The following TANC1 variants were observed in gnomAD, a reference collection of about 807,000 sequenced individuals.
The protein encoded by TANC1 is tetratricopeptide repeat, ankyrin repeat and coiled-coil containing 1, also known as protein TANC1.
A neutral mutation model predicts 149.7 loss-of-function variants in TANC1; 77 were observed. The ratio of observed to expected loss-of-function variants is 0.51; its 90% CI spans 0.43 to 0.62. TANC1 has a LOEUF of 0.62. Among genes scored for constraint, TANC1 ranks in the 20% least tolerant of loss-of-function variants. TANC1 has a pLI of 0.00. For synonymous variants in TANC1, 854 were observed against 925.0 expected, an observed-to-expected ratio of 0.92 and a Z score of 1.39; for missense variants, 1,985 against 2,321.8, an observed-to-expected ratio of 0.85 and a Z score of 2.98.
intron 19 of TANC1, among the ~76,000 whole-genome samples, chr2:159,207,931 T>C (rs892409595): frequency 6.6e-6 from 1 of 152,116 alleles, no homozygotes; most frequent in African/African-American, 2.4e-5. Flanking sequence ...GTATGTTATT[T>C]AAATCCAATA....
rs751981377 is a variant in TANC1 at position 159,178,748 on chromosome 2, C to T, written c.2095C>T (p.Arg699Trp). The T allele has an allele frequency of 9.9e-6, 16 of 1,614,010 alleles. No homozygotes were observed. The highest frequency in any genetic ancestry group is 1.6e-4 in the Middle Eastern group (1 of 6,084). The stretch of plus-strand genomic sequence containing the variant: ...AAAAGTGAGCAGCCACCTGGTGCTG[C>T]GGAGCCTCGGCTCCTACCTGTACCT... ...IGKVSSHLVL[R>W]SLGSYLYLKL... The change falls in exon 14 of 27, where the codon CGG becomes TGG. Residue 699 changes from arginine (R) to tryptophan (W), a missense_variant. Physicochemically the swap from Arg to Trp is moderately radical, Grantham distance 101. Around this residue, in one of 3 missense-constraint regions of TANC1, gnomAD observed 508 missense variants for 714.2 expected, o/e 0.71. Coordinates refer to ENST00000263635, the MANE Select transcript of TANC1 (RefSeq NM_033394.3).
At chr2:159,111,914 G>GC (rs956788357) in intron 4 of TANC1, among the ~76,000 whole-genome samples, 7 of 152,166 alleles carry the variant, frequency 4.6e-5, no homozygotes, top group African/African-American at 1.7e-4. Context: ...AAAAATATAT[G>GC]CCCATTGTAC....
intron 19 of TANC1, among the ~76,000 whole-genome samples, chr2:159,214,894 G>T (rs1202298653): frequency 6.6e-6 from 1 of 152,212 alleles, no homozygotes; most frequent in Non-Finnish European, 1.5e-5. Context: ...TTTCTGAAAA[G>T]AAACAGGCCA....
At chr2:159,213,663 C>T (rs1013643670) in intron 19 of TANC1, among the ~76,000 whole-genome samples, 4 of 152,162 alleles carry the variant, frequency 2.6e-5, no homozygotes, top group Admixed American at 6.5e-5. Context: ...TCCACTTCGT[C>T]ATCCAGATCA....
At chr2:159,122,944 C>T (rs1251949752) in intron 4 of TANC1, among the ~76,000 whole-genome samples, 3 of 151,946 alleles carry the variant, frequency 2.0e-5, no homozygotes, top group East Asian at 1.9e-4. Context: ...CCAAGCTGGC[C>T]CTTTTAATGG....
At chr2:159,067,023 G>C (rs1413816450) in intron 3 of TANC1, among the ~76,000 whole-genome samples, 2 of 152,138 alleles carry the variant, frequency 1.3e-5, no homozygotes, top group Non-Finnish European at 2.9e-5. Context: ...AGTCTCCTTG[G>C]AGAATGACTG....
chr2:159,185,926 G>A, intron 15 of TANC1, 27 bp downstream of exon 15: 1 of 1,521,772 alleles, frequency 6.6e-7, no homozygotes, highest in South Asian at 1.1e-5. Context: ...CTTGGGGAAG[G>A]GTTTCTTTGT....
intron 3 of TANC1, among the ~76,000 whole-genome samples, chr2:159,074,281 G>C (rs987632960): frequency 6.6e-6 from 1 of 152,166 alleles, no homozygotes; most frequent in Non-Finnish European, 1.5e-5. Context: ...TTGTCAGGGA[G>C]TTGCCCATTT....
chr2:159,159,691 CGT>C lies in TANC1; in HGVS notation c.683-3566_683-3565del, dbSNP rs371748384. Among the ~76,000 whole-genome samples, 333 of 118,012 alleles carry C rather than the reference CGT, an allele frequency of 2.8e-3. 6 individuals carry two copies. Among genetic ancestry groups the C allele is most frequent in the East Asian group, 0.016 (71 of 4,580 alleles). 77.4% of individuals were successfully genotyped at this position (118,012 alleles called of 152,430 possible). ...ATACCACTAATTGTGCATACACATA[CGT>C]GTGTGTGTGTGTGTGTGTGTGTGTG... On this transcript the variant is annotated intron_variant, in intron 7 of 26. Transcript: ENST00000263635.
chr2:159,069,820 G>A (rs936535572), intron 3 of TANC1, among the ~76,000 whole-genome samples: 11 of 146,676 alleles, frequency 7.5e-5, no homozygotes, highest in Admixed American at 6.9e-4. Context: ...CCAGGCTGGA[G>A]TGCAGTGGCG....
intron 1 of TANC1, among the ~76,000 whole-genome samples, chr2:158,984,818 G>C (rs953463587): frequency 2.6e-5 from 4 of 152,142 alleles, no homozygotes; most frequent in Non-Finnish European, 5.9e-5. Context: ...AGGCTGGGAG[G>C]CATGAAAACA....
chr2:159,214,643 C>T (rs731062), intron 19 of TANC1, among the ~76,000 whole-genome samples: 5 of 152,036 alleles, frequency 3.3e-5, no homozygotes, highest in African/African-American at 9.7e-5. Context: ...GAAGTTGTTA[C>T]GCCTCTTGGA....
intron 1 of TANC1, among the ~76,000 whole-genome samples, chr2:158,976,694 A>C (rs1160573652): frequency 6.6e-6 from 1 of 152,180 alleles, no homozygotes; most frequent in Non-Finnish European, 1.5e-5. Flanking sequence ...CAGCCTGGCC[A>C]ACATGGTGAA....
At chr2:159,089,439 C>A (rs959301852) in intron 3 of TANC1, among the ~76,000 whole-genome samples, 1 of 152,170 alleles carries the variant, frequency 6.6e-6, no homozygotes, top group Admixed American at 6.5e-5. Flanking sequence ...GCTCCTTGAG[C>A]GGCTGTTCCC....
chr2:159,164,241 A>G (rs759202429), intron 8 of TANC1, among the ~76,000 whole-genome samples: 1 of 152,340 alleles, frequency 6.6e-6, no homozygotes, highest in Non-Finnish European at 1.5e-5. Flanking sequence ...TCATCCAGCC[A>G]TGGAGCAGAA....
intron 2 of TANC1, among the ~76,000 whole-genome samples, chr2:159,062,024 G>C (rs900730844): frequency 7.2e-5 from 11 of 152,226 alleles, no homozygotes; most frequent in African/African-American, 2.6e-4. Context: ...GATCACCTGA[G>C]GTCAGGAGTT....
At chr2:159,099,536 G>C (rs984733729) in intron 4 of TANC1, among the ~76,000 whole-genome samples, 5 of 151,598 alleles carry the variant, frequency 3.3e-5, no homozygotes, top group Admixed American at 2.6e-4. Flanking sequence ...AAAAAACTTT[G>C]CTTGGCTACA....
chr2:159,002,401 A>C (rs941855262), intron 2 of TANC1, among the ~76,000 whole-genome samples: 2 of 152,230 alleles, frequency 1.3e-5, no homozygotes, highest in Admixed American at 6.5e-5. Context: ...TGACAGACCA[A>C]ATGCCAAGGG....
chr2:159,013,928 T>G lies in TANC1; in HGVS notation c.-16+12739T>G, dbSNP rs192260544. On this transcript the variant is annotated intron_variant, in intron 2 of 26. Transcript: ENST00000263635. ...CTGTCCTGGGCCTCGCTCCTTGACT[T>G]GTAGAGGGCCATCTTCTCCCTGTAT... Among the ~76,000 whole-genome samples, 181 of 152,272 alleles carry G rather than the reference T, an allele frequency of 1.2e-3. 1 individual carries two copies. The highest frequency in any genetic ancestry group is 4.2e-3 in the African/African-American group (176 of 41,556).
Sources: gnomAD v4.1 joint callset for allele counts (sites outside exome capture counted in the v4.1 genomes callset) on GRCh38, gnomAD v4.1.1 for gene constraint, gnomAD v4.1.1 regional missense constraint, MANE v1.5 for transcripts, NCBI Gene and HGNC (gene_info 2026-07-23, HGNC 2026-07-21) for gene names.